CLCA4: variants seen among roughly 807,000 people sequenced by gnomAD.
The protein encoded by CLCA4 is calcium-activated chloride channel regulator 4.
A neutral mutation model predicts 78.9 loss-of-function variants in CLCA4; 69 were observed. The ratio of observed to expected loss-of-function variants is 0.87; its 90% CI spans 0.72 to 1.07. The LOEUF is 1.07. Among genes scored for constraint, CLCA4 ranks in the 50% least tolerant of loss-of-function variants. The pLI is 0.00. For missense variants in CLCA4, 1,133 were observed against 1,095.8 expected (o/e 1.03, Z -0.48); for synonymous variants, 362 against 375.8 (o/e 0.96, Z 0.42).
intron 7 of CLCA4, among the ~76,000 whole-genome samples, chr1:86,569,876 TGTAAATGCTTG>T (rs1405247229): frequency 6.6e-6 from 1 of 151,924 alleles, no homozygotes; most frequent in Non-Finnish European, 1.5e-5. Context: ...ACTGGCACAT[TGTAAATGCTTG>T]GTAAATAAAC....
At chr1:86,559,419 G>A (rs1049106964) in intron 1 of CLCA4, among the ~76,000 whole-genome samples, 5 of 152,038 alleles carry the variant, frequency 3.3e-5, no homozygotes, top group African/African-American at 1.2e-4. Flanking sequence ...AACTAAGCCT[G>A]TTTTCTACGA....
rs1343897092 is a variant in CLCA4 at position 86,547,266 on chromosome 1, T to G, written c.147T>G (p.Ile49Met). The G allele has an allele frequency of 6.3e-7, 1 of 1,591,298 alleles. No individual in the cohort carries two copies. Among genetic ancestry groups the G allele is most frequent in the Admixed American group, 1.8e-5 (1 of 54,262 alleles). ...DPSVPEDEKI[I>M]EQIEDMVTTA... Reference sequence around the variant, plus strand: ...GTGTGCCAGAAGATGAAAAAATAATTGAACAAATAGAGGTAAGAACAAAAT... The same window carrying G: ...GTGTGCCAGAAGATGAAAAAATAATGGAACAAATAGAGGTAAGAACAAAAT... Residue 49 changes from isoleucine to methionine, a missense_variant, in exon 1 of 14, where the codon ATT becomes ATG. Coordinates refer to ENST00000370563, the MANE Select transcript of CLCA4 (RefSeq NM_012128.4).
At chr1:86,578,102 T>C in intron 12 of CLCA4, 30 bp downstream of exon 12, 1 of 1,578,978 alleles carries the variant, frequency 6.3e-7, no homozygotes, top group Non-Finnish European at 8.6e-7. Context: ...TATAATCCAG[T>C]GATAGTTTGA....
At chr1:86,567,016 G>A (rs1355797872) in intron 6 of CLCA4, among the ~76,000 whole-genome samples, 2 of 152,136 alleles carry the variant, frequency 1.3e-5, no homozygotes, top group African/African-American at 4.8e-5. Context: ...CCAGTCTCTG[G>A]TTGGAGTCTG....
At chr1:86,550,838 T>C (rs573245295) in intron 1 of CLCA4, among the ~76,000 whole-genome samples, 4 of 151,112 alleles carry the variant, frequency 2.6e-5, no homozygotes, top group Admixed American at 2.0e-4. Flanking sequence ...CATTTCTTTT[T>C]TTTTTTTTTT....
chr1:86,577,499 G>T lies in CLCA4; in HGVS notation c.1952-403G>T, dbSNP rs186984934. On this transcript the variant is annotated intron_variant, in intron 11 of 13. Coordinates refer to ENST00000370563, the MANE Select transcript of CLCA4 (RefSeq NM_012128.4). ...TACACAAAGAAAGGATTTTTCCTTA[G>T]TAGGGACCCTTTTGATTTAAACAGA... Among the ~76,000 whole-genome samples, 12 of 152,188 alleles carry T rather than the reference G, an allele frequency of 7.9e-5. No individual in the cohort carries two copies. The East Asian group carries it at 2.1e-3, about 27-fold the overall frequency.
Position 86,580,338 on chromosome 1 carries a change from C to T in CLCA4, c.2753C>T (p.Thr918Ile). ...ATTGTTAACTTTATTTTAAGTACCA[C>T]CATTTGAACCTTAACGAAGAAAAAA... ...VVIVNFILST[T>I]I Residue 918 changes from threonine to isoleucine, a missense_variant, in exon 14 of 14, where the codon ACC becomes ATC. Coordinates refer to ENST00000370563, the MANE Select transcript of CLCA4 (RefSeq NM_012128.4). 6.4e-7 allele frequency: 1 copy of T among 1,572,214 alleles called. No homozygotes were observed. The highest frequency in any genetic ancestry group is 1.9e-5 in the Admixed American group (1 of 51,466).
At chr1:86,563,542 G>A (rs1650085280) in intron 3 of CLCA4, 119 bp from the exon 4 acceptor site, 1 of 510,678 alleles carries the variant, frequency 2.0e-6, no homozygotes, top group Non-Finnish European at 3.5e-6. Flanking sequence ...TATAAATGTT[G>A]ATAGTTGTTG....
At chr1:86,562,082 C>T (rs563554145) in intron 3 of CLCA4, among the ~76,000 whole-genome samples, 2 of 151,886 alleles carry the variant, frequency 1.3e-5, no homozygotes, top group East Asian at 1.9e-4. Context: ...CACACACACA[C>T]GACACACACA....
In CLCA4 at chr1:86,574,554, A is replaced by T; in HGVS notation, c.1482A>T (p.Gly494=). ...SQKSLQLESK[G]LTLNSNAWMN... ...TATTTAAACAGCTCGAAAGTAAGGG[A>T]TTAACACTGAATAGTAATGCCTGGA... Residue 494 remains glycine, a synonymous_variant, in exon 10 of 14, where the codon GGA becomes GGT. Transcript: ENST00000370563. The T allele has an allele frequency of 2.5e-6, 4 of 1,612,296 alleles. No homozygotes were observed. The highest frequency in any genetic ancestry group is 3.4e-6 in the Non-Finnish European group (4 of 1,178,638).
At chr1:86,557,832 C>T (rs547418548) in intron 1 of CLCA4, among the ~76,000 whole-genome samples, 2 of 152,080 alleles carry the variant, frequency 1.3e-5, no homozygotes, top group Admixed American at 6.5e-5. Flanking sequence ...TCTCTTTTTA[C>T]GTCTCTAAGA....
intron 9 of CLCA4, among the ~76,000 whole-genome samples, chr1:86,573,892 T>A (rs568370405): frequency 6.6e-6 from 1 of 152,178 alleles, no homozygotes; most frequent in East Asian, 1.9e-4. Flanking sequence ...TTAACAACAA[T>A]GTATTGTATA....
chr1:86,554,736 T>C (rs1431654630), intron 1 of CLCA4, among the ~76,000 whole-genome samples: 1 of 152,208 alleles, frequency 6.6e-6, no homozygotes, highest in Non-Finnish European at 1.5e-5. Context: ...CTGGGTTGAA[T>C]GGTAGTTCTG....
chr1:86,553,071 G>T, intron 1 of CLCA4: 1 of 680,926 alleles, frequency 1.5e-6, no homozygotes. Context: ...AGACCAAGTG[G>T]TCCAGCGGCG....
At chr1:86,548,684 GAAAA>G (rs10615856) in intron 1 of CLCA4, among the ~76,000 whole-genome samples, 3 of 94,142 alleles carry the variant, frequency 3.2e-5, no homozygotes, top group Non-Finnish European at 6.2e-5. Context: ...TCCCTCTCTG[GAAAA>G]AAAAAAAAAA....
chr1:86,579,956 A>T lies in CLCA4; in HGVS notation c.2371A>T (p.Ile791Leu), dbSNP rs759981524. The change falls in exon 14 of 14, where the codon ATA becomes TTA. Residue 791 changes from isoleucine to leucine, a missense_variant. Coordinates refer to ENST00000370563, the MANE Select transcript of CLCA4 (RefSeq NM_012128.4). Reference sequence around the variant, plus strand: ...TTTTTTCTCAGTTCAACGTTATATCATAAGAATAAGTGCAAGTATTCTTGA... The same window carrying T: ...TTTTTTCTCAGTTCAACGTTATATCTTAAGAATAAGTGCAAGTATTCTTGA... ...FDVGKVQRYI[I>L]RISASILDLR... is the part of the protein sequence containing the mutation. 1.3e-5 allele frequency: 20 copies of T among 1,583,890 alleles called. No homozygotes were observed. The East Asian group carries it at 4.5e-4, about 36-fold the overall frequency.
In CLCA4 at chr1:86,571,663, G is replaced by A. The variant is rs1046270973; in HGVS notation, c.1360+409G>A. ...TCAAGTCATGAGCAAAAAACATCAC[G>A]TTGGGGTGACAATGCAAGGCGCATG... On this transcript the variant is annotated intron_variant, in intron 8 of 13. Transcript: ENST00000370563. 2.6e-5 allele frequency among the ~76,000 whole-genome samples: 4 copies of A among 151,944 alleles called. 1 individual carries two copies. Among genetic ancestry groups the A allele is most frequent in the Non-Finnish European group, 4.4e-5 (3 of 67,932 alleles).
In CLCA4 at chr1:86,567,918, G is replaced by A. The variant is rs146978175; in HGVS notation, c.1182+267G>A. Among the ~76,000 whole-genome samples, 174 of 152,054 alleles carry A rather than the reference G, an allele frequency of 1.1e-3. 1 individual carries two copies. Among genetic ancestry groups the A allele is most frequent in the Middle Eastern group, 6.8e-3 (2 of 294 alleles). ...ATGGACTTTGCTGTCTTGTTACCAC[G>A]CAGTAGTCAGTGCTCGATAAATGTT... On this transcript the variant is annotated intron_variant, in intron 7 of 13. Transcript: ENST00000370563.
chr1:86,574,529 T>C lies in CLCA4; in HGVS notation c.1468-11T>C. The stretch of plus-strand genomic sequence containing the variant: ...TTCTGCAGTCATTAATTTTGAAATC[T>C]ATTTAAACAGCTCGAAAGTAAGGGA... On this transcript the variant is annotated splice_polypyrimidine_tract_variant and intron_variant, in intron 9 of 13. Transcript: ENST00000370563. 1 of 1,601,974 alleles carries C rather than the reference T, an allele frequency of 6.2e-7. No individual in the cohort carries two copies. Among genetic ancestry groups the C allele is most frequent in the East Asian group, 2.2e-5 (1 of 44,736 alleles).
Sources: gnomAD v4.1 joint callset for allele counts (sites outside exome capture counted in the v4.1 genomes callset) on GRCh38, gnomAD v4.1.1 for gene constraint, MANE v1.5 for transcripts, NCBI Gene and HGNC (gene_info 2026-07-23, HGNC 2026-07-21) for gene names.